The following LRP6 variants were observed in gnomAD, a reference collection of about 807,000 sequenced individuals.
The protein encoded by LRP6 is low-density lipoprotein receptor-related protein 6.
LRP6 carries 43 observed loss-of-function variants against 184.1 expected under a neutral mutation model. The ratio of observed to expected loss-of-function variants is 0.23; its 90% CI spans 0.18 to 0.30. The LOEUF is 0.30. Ranked by LOEUF, LRP6 falls within the 10% of genes least tolerant of loss-of-function variation. The probability of loss-of-function intolerance (pLI) is 1.00; values close to 1 mark genes in which losing one functional copy is unlikely to be tolerated. For synonymous variants in LRP6, 719 were observed against 684.9 expected, an observed-to-expected ratio of 1.05 and a Z score of -0.78; for missense variants, 1,571 against 2,005.3, an observed-to-expected ratio of 0.78 and a Z score of 4.14.
intron 17 of LRP6, among the ~76,000 whole-genome samples, chr12:12,133,290 A>G (rs931534457): frequency 1.3e-5 from 2 of 152,146 alleles, no homozygotes; most frequent in African/African-American, 2.4e-5. Flanking sequence ...GTAATCCCCA[A>G]TGTTGGAAGT....
intron 2 of LRP6, among the ~76,000 whole-genome samples, chr12:12,213,242 T>C (rs1864256016): frequency 6.6e-6 from 1 of 152,174 alleles, no homozygotes; most frequent in Non-Finnish European, 1.5e-5. Flanking sequence ...CTTACATGTA[T>C]ACTCTTATAT....
At position 12,179,913 on chromosome 12, in the gene LRP6, C is replaced by G. The variant is rs745330789; in HGVS notation, c.1442G>C (p.Arg481Pro). The G allele has an allele frequency of 1.2e-6, 2 of 1,613,786 alleles. No homozygotes were observed. The highest frequency in any genetic ancestry group is 3.3e-5 in the Admixed American group (2 of 59,990). The part of the protein sequence containing the change: ...IERAALDGSD[R>P]VVLVNTSLGW... Reference sequence around the variant, plus strand: ...AAGAGAAGTGTTAACCAATACTACACGGTCAGAACCATCCAGAGCTGCTCG... The same window carrying G: ...AAGAGAAGTGTTAACCAATACTACAGGGTCAGAACCATCCAGAGCTGCTCG... The change falls in exon 7 of 23, where the codon CGT (arginine) becomes CCT (proline). Residue 481 changes from arginine to proline, a missense_variant. Around this residue, in one of 4 missense-constraint regions of LRP6, gnomAD observed 640 missense variants for 851.9 expected, o/e 0.75. Coordinates refer to ENST00000261349, the MANE Select transcript of LRP6 (RefSeq NM_002336.3).
intron 2 of LRP6, among the ~76,000 whole-genome samples, chr12:12,227,552 C>A (rs1004954057): frequency 6.6e-6 from 1 of 152,000 alleles, no homozygotes; most frequent in African/African-American, 2.4e-5. Context: ...GGATTACAGG[C>A]ACGCACCACC....
chr12:12,173,283 C>T (rs780371341), intron 7 of LRP6, among the ~76,000 whole-genome samples: 1 of 152,180 alleles, frequency 6.6e-6, no homozygotes, highest in Non-Finnish European at 1.5e-5. Context: ...AAAAGATTAA[C>T]ATGTCAACAA....
chr12:12,220,598 AG>A (rs1185956089), intron 2 of LRP6, among the ~76,000 whole-genome samples: 2 of 115,912 alleles, frequency 1.7e-5, no homozygotes, highest in African/African-American at 6.5e-5. Flanking sequence ...TATTTTTCTT[AG>A]TTTTTTTTTT....
intron 2 of LRP6, among the ~76,000 whole-genome samples, chr12:12,208,811 A>G (rs542987957): frequency 6.6e-6 from 1 of 152,236 alleles, no homozygotes; most frequent in South Asian, 2.1e-4. Flanking sequence ...GGACAGCCAG[A>G]AACAGTGAAA....
intron 7 of LRP6, among the ~76,000 whole-genome samples, chr12:12,169,957 A>G (rs909518858): frequency 1.3e-5 from 2 of 152,130 alleles, no homozygotes; most frequent in African/African-American, 4.8e-5. Flanking sequence ...CTAAAACAGC[A>G]CTGTCCAGGA....
intron 2 of LRP6, among the ~76,000 whole-genome samples, chr12:12,240,960 A>T (rs1865049643): frequency 1.3e-5 from 2 of 152,180 alleles, no homozygotes; most frequent in African/African-American, 4.8e-5. Context: ...TCTGAACTGT[A>T]TACTGCTAGT....
intron 4 of LRP6, among the ~76,000 whole-genome samples, chr12:12,184,873 T>C (rs1863431393): frequency 6.6e-6 from 1 of 151,942 alleles, no homozygotes; most frequent in South Asian, 2.1e-4. Flanking sequence ...GTCCAAACAA[T>C]ACTCATAGAA....
intron 15 of LRP6, among the ~76,000 whole-genome samples, chr12:12,145,401 G>C (rs775989607): frequency 6.6e-6 from 1 of 152,000 alleles, no homozygotes; most frequent in Non-Finnish European, 1.5e-5. Context: ...TGATACAGGA[G>C]TAAGCAGTCT....
In LRP6 at chr12:12,125,404, G is replaced by A. The variant is rs1171217576; in HGVS notation, c.4341C>T (p.Ser1447=). ...TGCTTCCCCCCATGATACTGAGGGAGCTGATCATTGATTTACCTCGAGACA... is the reference window on the plus strand; with the variant it reads ...TGCTTCCCCCCATGATACTGAGGGAACTGATCATTGATTTACCTCGAGACA... ...PGMSRGKSMI[S]SLSIMGGSSG... Residue 1447 remains serine (S), a synonymous_variant, in exon 21 of 23, where the codon AGC becomes AGT. Coordinates refer to ENST00000261349, the MANE Select transcript of LRP6 (RefSeq NM_002336.3). 1 of 1,613,822 alleles carries A rather than the reference G, an allele frequency of 6.2e-7. No homozygotes were observed. The highest frequency in any genetic ancestry group is 2.2e-5 in the East Asian group (1 of 44,884).
chr12:12,212,894 T>A (rs377170463), intron 2 of LRP6, among the ~76,000 whole-genome samples: 1 of 152,238 alleles, frequency 6.6e-6, no homozygotes, highest in South Asian at 2.1e-4. Flanking sequence ...TTAGAACTTA[T>A]CCAGCTCACC....
At chr12:12,233,018 A>C (rs953070682) in intron 2 of LRP6, among the ~76,000 whole-genome samples, 10 of 152,216 alleles carry the variant, frequency 6.6e-5, no homozygotes, top group Non-Finnish European at 1.5e-4. Context: ...ACTACAATAT[A>C]GGACAACTTC....
At chr12:12,145,004 TATA>T (rs1382674867) in intron 15 of LRP6, among the ~76,000 whole-genome samples, 2 of 152,096 alleles carry the variant, frequency 1.3e-5, no homozygotes, top group Admixed American at 1.3e-4. Context: ...AGGGCACATG[TATA>T]CCTATGTATC....
rs1400083619 is a variant in LRP6 at position 12,118,363 on chromosome 12, A to G, written c.*2763T>C. 6.6e-6 allele frequency: 1 copy of G among 152,250 alleles called. No homozygotes were observed. Among genetic ancestry groups the G allele is most frequent in the East Asian group, 1.9e-4 (1 of 5,206 alleles). 9.4% of individuals were successfully genotyped at this position (152,250 alleles called of 1,614,324 possible). ...CAGAATAGCTTACTGTGGTGCACAC[A>G]AAGTATGTTATGCTCAAGTTTATTT... On this transcript the variant is annotated 3_prime_UTR_variant, in exon 23 of 23. Coordinates refer to ENST00000261349, the MANE Select transcript of LRP6 (RefSeq NM_002336.3).
intron 1 of LRP6, among the ~76,000 whole-genome samples, chr12:12,248,101 C>G (rs996447104): frequency 2.6e-5 from 4 of 152,162 alleles, no homozygotes; most frequent in Non-Finnish European, 5.9e-5. Context: ...CACCCATCTT[C>G]CCTTACCTTG....
At chr12:12,258,261 C>T (rs1002345451) in intron 1 of LRP6, among the ~76,000 whole-genome samples, 1 of 152,148 alleles carries the variant, frequency 6.6e-6, no homozygotes, top group Non-Finnish European at 1.5e-5. Flanking sequence ...AAACTACAGG[C>T]ATGTGCCATC....
rs71061030 is a variant in LRP6 at position 12,248,471 on chromosome 12, C to CTTTT, written c.56-3820_56-3817dup. 1.0e-3 allele frequency among the ~76,000 whole-genome samples: 63 copies of CTTTT among 62,792 alleles called. 9 individuals carry two copies. Among genetic ancestry groups the CTTTT allele is most frequent in the African/African-American group, 3.0e-3 (51 of 17,154 alleles). 41.2% of individuals were successfully genotyped at this position (62,792 alleles called of 152,430 possible). On this transcript the variant is annotated intron_variant, in intron 1 of 22. Transcript: ENST00000261349. Reference sequence around the variant, plus strand: ...CAGTGGTCTTTTCTCAGTCTTTACTCTTTTTTTTTTTTTTTTTTTTTTTTT... The same window carrying CTTTT: ...CAGTGGTCTTTTCTCAGTCTTTACTCTTTTTTTTTTTTTTTTTTTTTTTTTTTTT...
rs147455047 is a variant in LRP6 at position 12,254,010 on chromosome 12, C to A, written c.56-9355G>T. 2.6e-5 allele frequency among the ~76,000 whole-genome samples: 4 copies of A among 151,750 alleles called. 1 individual carries two copies. Among genetic ancestry groups the A allele is most frequent in the African/African-American group, 9.7e-5 (4 of 41,402 alleles). On this transcript the variant is annotated intron_variant, in intron 1 of 22. Transcript: ENST00000261349. ...AAATACAAAATTAGCTGGGTATGGT[C>A]GCACACACCTGTGGTCGCAGCTACT...
Sources: gnomAD v4.1 joint callset for allele counts (sites outside exome capture counted in the v4.1 genomes callset) on GRCh38, gnomAD v4.1.1 for gene constraint, gnomAD v4.1.1 regional missense constraint, MANE v1.5 for transcripts, NCBI Gene and HGNC (gene_info 2026-07-23, HGNC 2026-07-21) for gene names.